Variants in COQ8B observed in about 807,000 individuals in gnomAD.
COQ8B encodes coenzyme Q8B.
COQ8B carries 44 observed loss-of-function variants against 62.0 expected under a neutral mutation model. The ratio of observed to expected loss-of-function variants is 0.71; its 90% confidence interval spans 0.56 to 0.91. The LOEUF (loss-of-function observed/expected upper bound fraction) is 0.91. Ranked by LOEUF, COQ8B falls within the 40% of genes least tolerant of loss-of-function variation. COQ8B has a pLI of 0.00. For missense variants in COQ8B, 649 were observed against 731.6 expected (o/e 0.89, Z 1.30); for synonymous variants, 252 against 289.9 (o/e 0.87, Z 1.33).
Position 40,714,800 on chromosome 19 carries a change from A to T in COQ8B, c.-3-165T>A, listed in dbSNP as rs114440068. ...CCTGGTTCTCCCCTGGTTGCTAGGAACCCTTAGCTCTTCCTGCAGGCCTCC... is the reference window on the plus strand; with the variant it reads ...CCTGGTTCTCCCCTGGTTGCTAGGATCCCTTAGCTCTTCCTGCAGGCCTCC... On this transcript the variant is annotated intron_variant, in intron 1 of 14. Transcript: ENST00000324464. The T allele has an allele frequency of 9.9e-4, 1,323 of 1,331,454 alleles. 11 individuals are homozygous for T. In the African/African-American group the frequency reaches 0.018, roughly 18 times the overall value. 82.5% of individuals were successfully genotyped at this position (1,331,454 alleles called of 1,614,324 possible). A position where few individuals can be genotyped will look rare whatever the true frequency, so the allele number is the denominator to read the frequency against.
chr19:40,702,628 G>T lies in COQ8B; in HGVS notation c.865C>A (p.Arg289Ser). 6.2e-7 allele frequency: 1 copy of T among 1,612,682 alleles called. No homozygotes were observed. Among genetic ancestry groups the T allele is most frequent in the African/African-American group, 1.3e-5 (1 of 75,020 alleles). ...QELAWECDYR[R>S]EAACAQNFRQ... ...AAATTCTGGGCACAAGCCGCCTCAC[G>T]ACGGTAGTCACACTCCCAAGCCAGC... Residue 289 changes from arginine (R) to serine (S), a missense_variant, in exon 10 of 15, where the codon CGT becomes AGT. Transcript: ENST00000324464.
intron 14 of COQ8B, 31 bp from the exon 15 acceptor site, chr19:40,692,404 C>T (rs1363899186): frequency 1.3e-6 from 2 of 1,599,388 alleles, no homozygotes; most frequent in South Asian, 2.2e-5. Flanking sequence ...AGAGCAAAGG[C>T]AGCCAGTGTG....
intron 1 of COQ8B, chr19:40,715,535 A>G: frequency 1.0e-6 from 1 of 985,440 alleles, no homozygotes; most frequent in Non-Finnish European, 1.2e-6. Context: ...CTTTGCACAA[A>G]CACCCACATT....
intron 12 of COQ8B, among the ~76,000 whole-genome samples, chr19:40,699,234 C>T (rs375192532): frequency 2.6e-5 from 4 of 151,828 alleles, no homozygotes; most frequent in Non-Finnish European, 4.4e-5. Context: ...CTCAAGCCAT[C>T]CTCCCACCTC....
chr19:40,706,779 A>G (rs576243974), intron 5 of COQ8B, among the ~76,000 whole-genome samples: 55 of 152,308 alleles, frequency 3.6e-4, no homozygotes, highest in Non-Finnish European at 8.8e-5. Flanking sequence ...CTCAGTTTTA[A>G]TTTCTAATAT....
chr19:40,702,763 C>A, intron 9 of COQ8B, 70 bp from the exon 10 acceptor site: 3 of 1,407,000 alleles, frequency 2.1e-6, no homozygotes, highest in Non-Finnish European at 9.9e-7. Flanking sequence ...TCCTGCCAAC[C>A]CTCTCTCTCC....
intron 12 of COQ8B, among the ~76,000 whole-genome samples, chr19:40,698,178 T>G (rs941542024): frequency 1.9e-4 from 28 of 148,288 alleles, no homozygotes; most frequent in African/African-American, 6.8e-4. Context: ...ATCACACCAT[T>G]GCACTCCAGC....
intron 1 of COQ8B, chr19:40,715,197 G>C (rs934882337): frequency 2.0e-6 from 2 of 984,740 alleles, no homozygotes; most frequent in African/African-American, 3.5e-5. Flanking sequence ...ATCTGTGCGC[G>C]GGGGAAGGGG....
chr19:40,703,412 G>A, intron 9 of COQ8B, 129 bp downstream of exon 9: 1 of 962,552 alleles, frequency 1.0e-6, no homozygotes, highest in Non-Finnish European at 1.5e-6. Context: ...TGTCCTTTCT[G>A]TCTCTGACAC....
In COQ8B at chr19:40,692,011, G is replaced by A; in HGVS notation, c.*24C>T. ...TACAGCAGGGTACGGCCTGCTCTGG[G>A]GACTGAATCCCCCATGGAGGCTGTC... On this transcript the variant is annotated 3_prime_UTR_variant, in exon 15 of 15. Transcript: ENST00000324464. 3 of 1,568,860 alleles carry A rather than the reference G, an allele frequency of 1.9e-6. No individual in the cohort carries two copies. Among genetic ancestry groups the A allele is most frequent in the East Asian group, 2.3e-5 (1 of 42,954 alleles).
intron 5 of COQ8B, among the ~76,000 whole-genome samples, chr19:40,709,098 C>T (rs2082121775): frequency 6.6e-6 from 1 of 152,134 alleles, no homozygotes; most frequent in Non-Finnish European, 1.5e-5. Context: ...TTTTTGCTGA[C>T]CCACTTGCAT....
chr19:40,698,360 A>C (rs1024254145), intron 12 of COQ8B, among the ~76,000 whole-genome samples: 6 of 151,156 alleles, frequency 4.0e-5, no homozygotes, highest in African/African-American at 1.5e-4. Context: ...AAAATGGTGA[A>C]ACCTCATCTC....
intron 1 of COQ8B, chr19:40,715,211 G>A (rs2082176698): frequency 1.0e-6 from 1 of 984,010 alleles, no homozygotes; most frequent in African/African-American, 1.7e-5. Context: ...GAAGGGGCCA[G>A]AGAGAGGCCC....
intron 12 of COQ8B, among the ~76,000 whole-genome samples, chr19:40,697,875 G>GAGGGAGAGAGAC (rs58313890): frequency 1.4e-4 from 15 of 103,472 alleles, no homozygotes; most frequent in African/African-American, 5.5e-4. Flanking sequence ...GAGAGAGAGA[G>GAGGGAGAGAGAC]AGTTTCTACT....
intron 10 of COQ8B, 83 bp from the exon 11 acceptor site, chr19:40,700,534 A>T: frequency 6.6e-7 from 1 of 1,515,470 alleles, no homozygotes; most frequent in Non-Finnish European, 8.9e-7. Context: ...GTGCTCTCAG[A>T]AGTCCTCCAT....
Position 40,714,114 on chromosome 19 carries a change from T to C in COQ8B, c.242A>G (p.Glu81Gly), listed in dbSNP as rs1476860734. The C allele has an allele frequency of 6.2e-7, 1 of 1,614,152 alleles. No homozygotes were observed. The highest frequency in any genetic ancestry group is 8.5e-7 in the Non-Finnish European group (1 of 1,180,020). ...GATGCGGGAGGCAGGCACCTTGCGT[T>C]CTCGAGAGCGGTCACTCAGCTGGGA... ...PRPQLSDRSR[E>G]RKVPASRISR... Residue 81 changes from glutamate (E) to glycine (G), a missense_variant, in exon 4 of 15, where the codon GAA (glutamate) becomes GGA (glycine). Physicochemically the swap from Glu to Gly is moderately conservative, Grantham distance 98. Transcript: ENST00000324464.
intron 8 of COQ8B, 28 bp downstream of exon 8, chr19:40,703,687 C>A (rs769169423): frequency 6.2e-7 from 1 of 1,613,914 alleles, no homozygotes; most frequent in South Asian, 1.1e-5. Flanking sequence ...GGGTGCCCGC[C>A]CCTACCCTGC....
At chr19:40,709,670 C>T (rs546613618) in intron 5 of COQ8B, among the ~76,000 whole-genome samples, 76 of 152,124 alleles carry the variant, frequency 5.0e-4, no homozygotes, top group African/African-American at 1.8e-3. Context: ...ATGGTGAAAC[C>T]GTCTCTACTA....
chr19:40,703,709 T>C lies in COQ8B; in HGVS notation c.717+6A>G. 6.2e-7 allele frequency: 1 copy of C among 1,613,920 alleles called. No individual in the cohort carries two copies. Among genetic ancestry groups the C allele is most frequent in the East Asian group, 2.2e-5 (1 of 44,864 alleles). On this transcript the variant is annotated splice_donor_region_variant and intron_variant, in intron 8 of 14. Transcript: ENST00000324464. The stretch of plus-strand genomic sequence containing the variant: ...CGCCCCTACCCTGCCCAGCCTCCCC[T>C]CTCACCTGGATCTTCACGGCCACCT...
Sources: gnomAD v4.1 joint callset for allele counts (sites outside exome capture counted in the v4.1 genomes callset) on GRCh38, gnomAD v4.1.1 for gene constraint, MANE v1.5 for transcripts, NCBI Gene and HGNC (gene_info 2026-07-23, HGNC 2026-07-21) for gene names.